Variants in NDST1 observed in about 807,000 individuals in gnomAD.
NDST1 encodes N-deacetylase and N-sulfotransferase 1, also known as bifunctional heparan sulfate N-deacetylase/N-sulfotransferase 1.
A neutral mutation model predicts 92.8 loss-of-function variants in NDST1; 35 were observed. The observed-to-expected ratio is 0.38, with a 90% CI of 0.29 to 0.50. NDST1 has a LOEUF of 0.50. Among genes scored for constraint, NDST1 ranks in the 20% least tolerant of loss-of-function variants. The pLI, the probability that NDST1 is intolerant of heterozygous loss-of-function variation, is 0.94. For synonymous variants in NDST1, 493 were observed against 500.3 expected (o/e 0.99, Z 0.19); for missense variants, 822 against 1,182.7 (o/e 0.69, Z 4.47).
At chr5:150,501,851 G>T (rs1290746029) in intron 1 of NDST1, among the ~76,000 whole-genome samples, 4 of 152,194 alleles carry the variant, frequency 2.6e-5, no homozygotes, top group Non-Finnish European at 5.9e-5. Context: ...TGATTTGGGG[G>T]AGTGACCCAG....
At chr5:150,548,929 GA>G (rs1201309888) in intron 12 of NDST1, among the ~76,000 whole-genome samples, 1 of 152,232 alleles carries the variant, frequency 6.6e-6, no homozygotes, top group Non-Finnish European at 1.5e-5. Context: ...AAGGGACCCA[GA>G]AAGCCCTGAG....
chr5:150,536,019 C>G, intron 6 of NDST1, 134 bp downstream of exon 6: 1 of 1,047,714 alleles, frequency 9.5e-7, no homozygotes. Flanking sequence ...CTGCTGCCTC[C>G]TCTGGCACCC....
At chr5:150,518,106 G>A (rs1754066165) in intron 1 of NDST1, among the ~76,000 whole-genome samples, 1 of 152,190 alleles carries the variant, frequency 6.6e-6, no homozygotes, top group South Asian at 2.1e-4. Flanking sequence ...GAATTGCAGG[G>A]AGTCCCTGGA....
At chr5:150,507,469 C>G (rs151230478), upstream of NDST1, among the ~76,000 whole-genome samples, 206 of 152,370 alleles carry the variant, frequency 1.4e-3, 2 homozygotes, top group South Asian at 0.02. Flanking sequence ...CTTCTCTTCT[C>G]TGGGTCTCGT....
intron 1 of NDST1, among the ~76,000 whole-genome samples, chr5:150,516,996 TG>T: frequency 6.6e-6 from 1 of 151,730 alleles, no homozygotes; most frequent in South Asian, 2.1e-4. Context: ...TGTGTGTGTG[TG>T]TGTGTGTGTG....
intron 3 of NDST1, among the ~76,000 whole-genome samples, chr5:150,529,801 G>T (rs910754992): frequency 1.3e-5 from 2 of 152,238 alleles, no homozygotes; most frequent in African/African-American, 4.8e-5. Flanking sequence ...TTTAAAAAGA[G>T]ACTTGTAAGA....
At chr5:150,540,844 A>C (rs1168312240) in intron 8 of NDST1, among the ~76,000 whole-genome samples, 1 of 152,248 alleles carries the variant, frequency 6.6e-6, no homozygotes, top group African/African-American at 2.4e-5. Context: ...AAGTGAACAC[A>C]GTGCAGACAA....
intron 13 of NDST1, among the ~76,000 whole-genome samples, chr5:150,550,254 A>G (rs1405654280): frequency 2.6e-5 from 4 of 151,902 alleles, no homozygotes; most frequent in African/African-American, 9.7e-5. Flanking sequence ...GACATGTGCC[A>G]CCATGCCTGG....
At chr5:150,530,949 CA>C (rs1170323043) in intron 3 of NDST1, among the ~76,000 whole-genome samples, 1 of 151,942 alleles carries the variant, frequency 6.6e-6, no homozygotes, top group Non-Finnish European at 1.5e-5. Context: ...GGATACAAAC[CA>C]AAAATACAAA....
intron 5 of NDST1, chr5:150,535,254 G>A: frequency 1.1e-6 from 1 of 944,624 alleles, no homozygotes; most frequent in Non-Finnish European, 1.3e-6. Context: ...CAGCTACTAA[G>A]AGGTCCAGCT....
At chr5:150,540,472 G>A (rs530587347) in intron 8 of NDST1, among the ~76,000 whole-genome samples, 2 of 152,014 alleles carry the variant, frequency 1.3e-5, no homozygotes, top group Non-Finnish European at 2.9e-5. Context: ...ACTTCCCCAC[G>A]CAGACCTACA....
chr5:150,535,163 C>A, intron 5 of NDST1, 142 bp downstream of exon 5: 2 of 1,330,344 alleles, frequency 1.5e-6, no homozygotes, highest in Non-Finnish European at 2.1e-6. Flanking sequence ...GGGAGAGCTG[C>A]CTTTATAGCC....
intron 3 of NDST1, 98 bp downstream of exon 3, chr5:150,528,396 C>T (rs1037616458): frequency 4.7e-5 from 64 of 1,359,374 alleles, no homozygotes; most frequent in Middle Eastern, 1.9e-4. Flanking sequence ...TGCATCTCCC[C>T]TATGCTGGGA....
rs1225764765 is a variant in NDST1, at chr5:150,553,580, C to T, written c.*248C>T. 2.0e-6 allele frequency: 1 copy of T among 494,790 alleles called. No individual in the cohort carries two copies. The highest frequency in any genetic ancestry group is 4.0e-5 in the East Asian group (1 of 24,850). The allele number at this position is 494,790 out of a possible 1,614,324, so 30.6% of individuals were successfully genotyped here. ...GAGGTCCATTCCGTTCCCAGCTGCT[C>T]CTGGGGAGGCCGCTTCCTGGTAGGA... On this transcript the variant is annotated 3_prime_UTR_variant, in exon 15 of 15. Coordinates refer to ENST00000261797, the MANE Select transcript of NDST1 (RefSeq NM_001543.5). The surrounding 1 kb of genome is among the most constrained non-coding windows in gnomAD (Gnocchi z 4.2).
intron 10 of NDST1, among the ~76,000 whole-genome samples, chr5:150,544,157 T>C: frequency 6.6e-6 from 1 of 152,234 alleles, no homozygotes; most frequent in East Asian, 1.9e-4. Context: ...AAGTCAACAT[T>C]TTTCAGGTTT....
In NDST1 at chr5:150,553,941, A is replaced by G. The variant is rs1755816910; in HGVS notation, c.*609A>G. 1 of 423,294 alleles carries G rather than the reference A, an allele frequency of 2.4e-6. No individual in the cohort carries two copies. The highest frequency in any genetic ancestry group is 4.2e-6 in the Non-Finnish European group (1 of 239,782). The allele number at this position is 423,294 out of a possible 1,614,324, so 26.2% of individuals were successfully genotyped here. The stretch of plus-strand genomic sequence containing the variant: ...CTGGGGAAGAATTTCTGGTTCCTAC[A>G]GTATCCACTCCATCCTCAAGGCTTC... On this transcript the variant is annotated 3_prime_UTR_variant, in exon 15 of 15. Coordinates refer to ENST00000261797, the MANE Select transcript of NDST1 (RefSeq NM_001543.5). This position sits in a 1 kb window ranked among gnomAD's most constrained non-coding sequence, Gnocchi z 4.2.
intron 5 of NDST1, 63 bp from the exon 6 acceptor site, chr5:150,535,637 G>A: frequency 6.3e-7 from 1 of 1,579,092 alleles, no homozygotes; most frequent in Non-Finnish European, 8.7e-7. Context: ...TCTACAAAGG[G>A]GGGATAAGGC....
chr5:150,526,786 A>C (rs3797621), intron 2 of NDST1, among the ~76,000 whole-genome samples: 48,341 of 152,138 alleles, frequency 0.32, 8,925 homozygotes, highest in Non-Finnish European at 0.41. Context: ...AACAAGGACA[A>C]ATTGTACCAT....
In NDST1 at chr5:150,558,035, C is replaced by G. The variant is rs1755909805; in HGVS notation, c.*4703C>G. ...GAGGGTGGGGGGCACACTGGGGAAG[C>G]AGGCAGAGGTTTCCTTCCCTTGTAG... On this transcript the variant is annotated 3_prime_UTR_variant, in exon 15 of 15. Coordinates refer to ENST00000261797, the MANE Select transcript of NDST1 (RefSeq NM_001543.5). The G allele has an allele frequency of 7.4e-6, 1 of 135,638 alleles. No individual in the cohort carries two copies. Among genetic ancestry groups the G allele is most frequent in the African/African-American group, 2.9e-5 (1 of 34,540 alleles). 8.4% of individuals were successfully genotyped at this position (135,638 alleles called of 1,614,324 possible).
Sources: allele counts gnomAD v4.1 joint callset (sites outside exome capture counted in the v4.1 genomes callset), GRCh38; gene constraint gnomAD v4.1.1; non-coding constraint Gnocchi (gnomAD v3.1); transcripts MANE v1.5; gene names NCBI Gene and HGNC (gene_info 2026-07-23, HGNC 2026-07-21).